KIR3DL3: variants seen among roughly 807,000 people sequenced by gnomAD.
KIR3DL3 encodes killer cell immunoglobulin-like receptor 3DL3.
In KIR3DL3, 27 loss-of-function variants were observed where a neutral mutation model predicts 34.9. The observed-to-expected ratio is 0.77, with a 90% CI of 0.57 to 1.07. KIR3DL3 has a LOEUF of 1.07. Among genes scored for constraint, KIR3DL3 ranks in the 50% least tolerant of loss-of-function variants. The pLI, the probability that KIR3DL3 is intolerant of heterozygous loss-of-function variation, is 0.00. For missense variants in KIR3DL3, 681 were observed against 528.5 expected (o/e 1.29, Z -2.83); for synonymous variants, 217 against 200.2 (o/e 1.08, Z -0.71).
rs765652002 is a variant in KIR3DL3, at chr19:54,726,066, G to A, written c.84G>A (p.Lys28=). The A allele has an allele frequency of 2.2e-4, 348 of 1,611,792 alleles. No homozygotes were observed. The highest frequency in any genetic ancestry group is 3.7e-4 in the South Asian group (34 of 91,000). Residue 28 remains lysine (K), a synonymous_variant, in exon 3 of 8, where the codon AAG becomes AAA. Transcript: ENST00000291860. ...GPWPHVGGQD[K]PFLSAWPGTV... is the part of the protein sequence containing the mutation. The stretch of plus-strand genomic sequence containing the variant: ...CTTCTCCCCCAGGTGGTCAGGACAA[G>A]CCCTTCCTCTCTGCCTGGCCCGGCA...
intron 3 of KIR3DL3, among the ~76,000 whole-genome samples, chr19:54,726,647 G>A (rs1486565406): frequency 6.8e-6 from 1 of 147,654 alleles, no homozygotes; most frequent in Non-Finnish European, 1.5e-5. Context: ...TGTGCTCAGA[G>A]TAATCACAAG....
rs1347837901 is a variant in KIR3DL3 at position 54,736,049 on chromosome 19, C to T, written c.1186C>T (p.Arg396Cys). Residue 396 changes from arginine to cysteine, a missense_variant, in exon 8 of 8, where the codon CGC (arginine) becomes TGC (cysteine). Arg to Cys is a radical substitution (Grantham distance 180). Transcript: ENST00000291860. ...HCVFTQRKIT[R>C]PSQRPKTPPT... Reference sequence around the variant, plus strand: ...CGTTTTCACACAGAGAAAAATCACTCGCCCTTCTCAGAGGCCCAAGACACC... The same window carrying T: ...CGTTTTCACACAGAGAAAAATCACTTGCCCTTCTCAGAGGCCCAAGACACC... 1.2e-6 allele frequency: 2 copies of T among 1,613,624 alleles called. No individual in the cohort carries two copies. The highest frequency in any genetic ancestry group is 1.7e-6 in the Non-Finnish European group (2 of 1,180,000).
chr19:54,724,561 G>A (rs1229885444), intron 1 of KIR3DL3, 31 bp downstream of exon 1: 14 of 1,611,216 alleles, frequency 8.7e-6, no homozygotes, highest in Admixed American at 3.3e-5. Context: ...GAGGGAGGGA[G>A]CGCTGGGGTG....
intron 5 of KIR3DL3, among the ~76,000 whole-genome samples, chr19:54,730,514 CA>C (rs2068684394): frequency 1.3e-5 from 2 of 151,366 alleles, no homozygotes; most frequent in African/African-American, 4.9e-5. Context: ...GCGGAGGTTG[CA>C]GTGAGCTGAG....
chr19:54,725,318 C>A (rs1339836613), intron 2 of KIR3DL3, 36 bp downstream of exon 2: 1 of 1,508,808 alleles, frequency 6.6e-7, no homozygotes, highest in Non-Finnish European at 8.9e-7. Flanking sequence ...TTGTCATCTC[C>A]CCACATAAGA....
Position 54,727,869 on chromosome 19 carries a change from A to G in KIR3DL3, c.614A>G (p.Glu205Gly), listed in dbSNP as rs2068373809. Residue 205 changes from glutamate (E) to glycine (G), a missense_variant, in exon 4 of 8, where the codon GAG (glutamate) becomes GGG (glycine). Coordinates refer to ENST00000291860, the MANE Select transcript of KIR3DL3 (RefSeq NM_153443.5). Reference sequence around the variant, plus strand: ...GGTTCTGTCACTCACTTACCCTATGAGTTGTCGGCTCCCAGTGACCCTCTG... The same window carrying G: ...GGTTCTGTCACTCACTTACCCTATGGGTTGTCGGCTCCCAGTGACCCTCTG... ...CFGSVTHLPY[E>G]LSAPSDPLDI... 6.2e-7 allele frequency: 1 copy of G among 1,613,448 alleles called. No individual in the cohort carries two copies. Among genetic ancestry groups the G allele is most frequent in the African/African-American group, 1.3e-5 (1 of 74,864 alleles).
intron 3 of KIR3DL3, 94 bp from the exon 4 acceptor site, chr19:54,727,517 T>A: frequency 8.8e-7 from 1 of 1,137,474 alleles, no homozygotes. Context: ...AGGAGAGAGA[T>A]AGACACCATG....
Position 54,726,232 on chromosome 19 carries a change from C to G in KIR3DL3, c.250C>G (p.Pro84Ala). 6.2e-7 allele frequency: 1 copy of G among 1,613,864 alleles called. No individual in the cohort carries two copies. The highest frequency in any genetic ancestry group is 1.3e-5 in the African/African-American group (1 of 74,916). ...ATTCCGGAACAGCTTTCTCATGGGC[C>G]CTGTGACCCCAGCACATGCAGGGAC... ...RIFRNSFLMG[P>A]VTPAHAGTYR... The change falls in exon 3 of 8, where the codon CCT (proline) becomes GCT (alanine). Residue 84 changes from proline to alanine, a missense_variant. By Grantham distance (27) the Pro-to-Ala change is conservative (BLOSUM62 -1). Coordinates refer to ENST00000291860, the MANE Select transcript of KIR3DL3 (RefSeq NM_153443.5).
intron 5 of KIR3DL3, among the ~76,000 whole-genome samples, chr19:54,733,399 G>A (rs1211765334): frequency 6.6e-6 from 1 of 152,134 alleles, no homozygotes; most frequent in Admixed American, 6.5e-5. Context: ...TGGTGCATTG[G>A]CACCTGCCTG....
intron 5 of KIR3DL3, among the ~76,000 whole-genome samples, 154 bp downstream of exon 5, chr19:54,729,940 G>A (rs1382365665): frequency 6.7e-6 from 1 of 148,636 alleles, no homozygotes; most frequent in African/African-American, 2.5e-5. Context: ...TGGCAGACAG[G>A]GCACCTCCAA....
At chr19:54,733,448 C>T (rs2069059184) in intron 5 of KIR3DL3, among the ~76,000 whole-genome samples, 1 of 152,172 alleles carries the variant, frequency 6.6e-6, no homozygotes, top group African/African-American at 2.4e-5. Flanking sequence ...AGAAGAATGG[C>T]TTCAACCCTG....
rs368555812 is a variant in KIR3DL3, at chr19:54,724,545, G to A, written c.34+15G>A. 1,198 of 1,609,624 alleles carry A rather than the reference G, an allele frequency of 7.4e-4. 5 individuals are homozygous for A. The African/African-American group carries it at 0.014, about 19-fold the overall frequency. On this transcript the variant is annotated intron_variant, in intron 1 of 7. Transcript: ENST00000291860. Reference sequence around the variant, plus strand: ...GGCGTGTGTTGGTGAGTCCTGGAAGGGAATCGAGGGAGGGAGCGCTGGGGT... The same window carrying A: ...GGCGTGTGTTGGTGAGTCCTGGAAGAGAATCGAGGGAGGGAGCGCTGGGGT...
Position 54,729,908 on chromosome 19 carries a change from A to T in KIR3DL3, c.949+122A>T. 5 of 811,308 alleles carry T rather than the reference A, an allele frequency of 6.2e-6. No individual in the cohort carries two copies. The South Asian group carries it at 7.6e-5, about 12-fold the overall frequency. The allele number at this position is 811,308 out of a possible 1,614,324, so 50.3% of individuals were successfully genotyped here. On this transcript the variant is annotated intron_variant, in intron 5 of 7. Coordinates refer to ENST00000291860, the MANE Select transcript of KIR3DL3 (RefSeq NM_153443.5). Reference sequence around the variant, plus strand: ...AGACAGAACACACAGCATGGGTGTAAGGGCGGGGTCAGGGCGCAGGATGGC... The same window carrying T: ...AGACAGAACACACAGCATGGGTGTATGGGCGGGGTCAGGGCGCAGGATGGC...
At chr19:54,726,420 A>G in intron 3 of KIR3DL3, 83 bp downstream of exon 3, 1 of 1,526,004 alleles carries the variant, frequency 6.6e-7, no homozygotes, top group Non-Finnish European at 8.8e-7. Flanking sequence ...TCAGGGTCCA[A>G]TCATCCAGGC....
intron 1 of KIR3DL3, among the ~76,000 whole-genome samples, chr19:54,724,941 A>T (rs1174384309): frequency 2.4e-5 from 3 of 123,494 alleles, no homozygotes; most frequent in Non-Finnish European, 5.0e-5. Context: ...TGGAGTGGAG[A>T]TGTTGGCTTG....
chr19:54,726,959 G>T (rs968924574), intron 3 of KIR3DL3, among the ~76,000 whole-genome samples: 3 of 124,514 alleles, frequency 2.4e-5, no homozygotes. Flanking sequence ...TTCTCCAGCA[G>T]CAACAGGAAA....
In KIR3DL3 at chr19:54,724,527, G is replaced by T; in HGVS notation, c.31G>T (p.Val11Phe). MSLMVVSMAC[V>F]GFFLLEGPWP... ...GCTCATGGTCGTCAGCATGGCGTGT[G>T]TTGGTGAGTCCTGGAAGGGAATCGA... is the stretch of plus-strand genomic sequence containing the variant. The change falls in exon 1 of 8, where the codon GTT (valine) becomes TTT (phenylalanine). Residue 11 changes from valine to phenylalanine, a missense_variant. Coordinates refer to ENST00000291860, the MANE Select transcript of KIR3DL3 (RefSeq NM_153443.5). 6.2e-7 allele frequency: 1 copy of T among 1,613,070 alleles called. No homozygotes were observed.
chr19:54,732,360 C>A (rs1164662396), intron 5 of KIR3DL3, among the ~76,000 whole-genome samples: 1 of 151,560 alleles, frequency 6.6e-6, no homozygotes, highest in African/African-American at 2.4e-5. Flanking sequence ...ATGCAATTCT[C>A]CTGCCTCAGC....
In KIR3DL3 at chr19:54,729,632, G is replaced by C; in HGVS notation, c.795G>C (p.Arg265Ser). The change falls in exon 5 of 8, where the codon AGG becomes AGC. Residue 265 changes from arginine to serine, a missense_variant. Arg to Ser is a moderately radical substitution (Grantham distance 110). Coordinates refer to ENST00000291860, the MANE Select transcript of KIR3DL3 (RefSeq NM_153443.5). ...GGGAGGCGGAGGCCGGTGAACTTAG[G>C]CTCACTGCAGTGCTGAGGGTCAATG... is the stretch of plus-strand genomic sequence containing the variant. ...LSREAEAGEL[R>S]LTAVLRVNGT... is the part of the protein sequence containing the mutation. The C allele has an allele frequency of 6.2e-7, 1 of 1,603,010 alleles. No homozygotes were observed. Among genetic ancestry groups the C allele is most frequent in the Non-Finnish European group, 8.5e-7 (1 of 1,177,436 alleles).
Sources: allele counts gnomAD v4.1 joint callset (sites outside exome capture counted in the v4.1 genomes callset), GRCh38; gene constraint gnomAD v4.1.1; transcripts MANE v1.5; gene names NCBI Gene and HGNC (gene_info 2026-07-23, HGNC 2026-07-21).